The following NUDT2 variants were observed in gnomAD, a reference collection of about 807,000 sequenced individuals.
NUDT2 encodes bis(5'-nucleosyl)-tetraphosphatase [asymmetrical].
Under a neutral mutation model 14.2 loss-of-function variants are expected in NUDT2, and 12 were observed. The observed-to-expected ratio is 0.84, with a 90% CI of 0.54 to 1.37. The LOEUF (loss-of-function observed/expected upper bound fraction) is 1.37, where lower values mean the gene tolerates loss of function less well. Ranked by LOEUF, NUDT2 falls within the 40% of genes most tolerant of loss-of-function variation. The pLI is 0.00. For synonymous variants in NUDT2, 67 were observed against 67.4 expected (o/e 0.99, Z 0.03); for missense variants, 167 against 176.7 (o/e 0.95, Z 0.31).
Position 34,343,179 on chromosome 9 carries a change from GGAAGCAGGCATA to G in NUDT2, c.193_204del (p.Ile65_Gly68del), listed in dbSNP as rs775496489. 1 of 1,614,104 alleles carries G rather than the reference GGAAGCAGGCATA, an allele frequency of 6.2e-7. No individual in the cohort carries two copies. On this transcript the variant is annotated inframe_deletion, in exon 5 of 5. Transcript: ENST00000379158. ...AAACAGCCCTGAGGGAGACCCAAGA[GGAAGCAGGCATA>G]GAAGCAGGCCAGCTGACCATTATTG...
intron 1 of NUDT2, among the ~76,000 whole-genome samples, chr9:34,335,121 G>C (rs566063428): frequency 6.6e-6 from 1 of 152,338 alleles, no homozygotes; most frequent in East Asian, 1.9e-4. Context: ...TGTGCAGTCA[G>C]CTCTGTAGCA....
At chr9:34,330,319 G>A (rs1837866252) in intron 1 of NUDT2, among the ~76,000 whole-genome samples, 1 of 152,154 alleles carries the variant, frequency 6.6e-6, no homozygotes, top group South Asian at 2.1e-4. Flanking sequence ...GCAGGAGAAT[G>A]GCATGAACCC....
chr9:34,338,920 CAGTT>C, intron 3 of NUDT2, 73 bp downstream of exon 3: 1 of 950,638 alleles, frequency 1.1e-6, no homozygotes. Flanking sequence ...TATGAGATCA[CAGTT>C]AGCTAGTCTG....
chr9:34,338,295 T>G (rs546178255), intron 2 of NUDT2, among the ~76,000 whole-genome samples: 68 of 113,826 alleles, frequency 6.0e-4, no homozygotes, highest in African/African-American at 2.3e-3. Context: ...AAGTTCAGGA[T>G]CAGCCTGGGC....
At chr9:34,330,110 G>A (rs570662815) in intron 1 of NUDT2, among the ~76,000 whole-genome samples, 1 of 152,250 alleles carries the variant, frequency 6.6e-6, no homozygotes, top group African/African-American at 2.4e-5. Flanking sequence ...AAGGGACAGC[G>A]TAAACAATGC....
At chr9:34,339,679 C>T (rs1838185259) in intron 4 of NUDT2, among the ~76,000 whole-genome samples, 1 of 151,994 alleles carries the variant, frequency 6.6e-6, no homozygotes, top group Non-Finnish European at 1.5e-5. Context: ...CATGTCTCTA[C>T]AAAAAATACA....
intron 4 of NUDT2, 86 bp downstream of exon 4, chr9:34,339,252 C>G (rs1838175728): frequency 6.6e-7 from 1 of 1,522,154 alleles, no homozygotes. Flanking sequence ...AGGCTTAATT[C>G]CCAGTGACTG....
intron 2 of NUDT2, among the ~76,000 whole-genome samples, chr9:34,336,909 A>G (rs1838102208): frequency 2.0e-5 from 3 of 149,658 alleles, no homozygotes; most frequent in African/African-American, 7.4e-5. Flanking sequence ...CTTTTTGCCT[A>G]TTCCCATATT....
At chr9:34,338,868 T>G in intron 3 of NUDT2, 21 bp downstream of exon 3, 1 of 549,550 alleles carries the variant, frequency 1.8e-6, no homozygotes, top group Non-Finnish European at 3.2e-6. Context: ...GATTCCTGGA[T>G]GCCTTCCATT....
chr9:34,334,836 A>G (rs1838046894), intron 1 of NUDT2, among the ~76,000 whole-genome samples: 1 of 152,226 alleles, frequency 6.6e-6, no homozygotes, highest in Non-Finnish European at 1.5e-5. Flanking sequence ...CTGGATTCCC[A>G]GTATCCTTCC....
At chr9:34,329,832 G>C (rs1371988196) in intron 1 of NUDT2, among the ~76,000 whole-genome samples, 2 of 148,462 alleles carry the variant, frequency 1.3e-5, no homozygotes, top group African/African-American at 5.0e-5. Flanking sequence ...AGCCTTGCTT[G>C]TCCCCGTCGG....
At position 34,343,640 on chromosome 9, in the gene NUDT2, A is replaced by G. The variant is rs1313445812; in HGVS notation, c.*200A>G. ...AAAGGAAGGCAAAAGAGTAAAAATT[A>G]AAAAGGCCAGGCCCAGTAAGTGTAC... is the stretch of plus-strand genomic sequence containing the variant. On this transcript the variant is annotated 3_prime_UTR_variant, in exon 5 of 5. Coordinates refer to ENST00000379158, the MANE Select transcript of NUDT2 (RefSeq NM_001161.5). The G allele has an allele frequency of 5.5e-6, 3 of 544,122 alleles. No individual in the cohort carries two copies. The highest frequency in any genetic ancestry group is 3.8e-5 in the African/African-American group (2 of 53,028). The allele number at this position is 544,122 out of a possible 1,614,324, so 33.7% of individuals were successfully genotyped here.
At chr9:34,333,182 A>G (rs998290588) in intron 1 of NUDT2, among the ~76,000 whole-genome samples, 2 of 152,192 alleles carry the variant, frequency 1.3e-5, no homozygotes, top group African/African-American at 4.8e-5. Context: ...GGGTGCTATT[A>G]GGAGCCTGAG....
intron 4 of NUDT2, among the ~76,000 whole-genome samples, chr9:34,342,132 C>T (rs570668731): frequency 2.0e-5 from 3 of 152,338 alleles, no homozygotes; most frequent in African/African-American, 7.2e-5. Flanking sequence ...TTGGGTGTTG[C>T]TAACACATTT....
intron 1 of NUDT2, among the ~76,000 whole-genome samples, chr9:34,334,999 G>C (rs1386624485): frequency 6.6e-6 from 1 of 152,202 alleles, no homozygotes; most frequent in South Asian, 2.1e-4. Flanking sequence ...GGCAGTACCT[G>C]TACTTTCTCT....
chr9:34,330,897 T>C (rs1309164980), intron 1 of NUDT2, among the ~76,000 whole-genome samples: 2 of 150,774 alleles, frequency 1.3e-5, no homozygotes, highest in Non-Finnish European at 3.0e-5. Flanking sequence ...GGAGGCGGAG[T>C]TTGCAGAGAG....
At chr9:34,336,189 A>C (rs1006503795) in intron 1 of NUDT2, 40 bp from the exon 2 acceptor site, 3 of 152,108 alleles carry the variant, frequency 2.0e-5, no homozygotes, top group African/African-American at 7.2e-5. Flanking sequence ...AAGGTACCCC[A>C]CATCTATAAC....
intron 2 of NUDT2, among the ~76,000 whole-genome samples, chr9:34,338,327 TAAAAAAA>T (rs61594121): frequency 5.3e-4 from 18 of 33,738 alleles, no homozygotes; most frequent in South Asian, 5.2e-3. Flanking sequence ...ACCCTGTCTC[TAAAAAAA>T]AAAAAAAAAA....
In NUDT2 at chr9:34,339,038, C is replaced by A; in HGVS notation, c.-2C>A. Reference sequence around the variant, plus strand: ...TCTTTGTTAAGTCCTTAGGATAAGACCATGGCCTTGAGAGCATGTGGCTTG... The same window carrying A: ...TCTTTGTTAAGTCCTTAGGATAAGAACATGGCCTTGAGAGCATGTGGCTTG... On this transcript the variant is annotated 5_prime_UTR_variant, in exon 4 of 5. Coordinates refer to ENST00000379158, the MANE Select transcript of NUDT2 (RefSeq NM_001161.5). 1 of 1,613,022 alleles carries A rather than the reference C, an allele frequency of 6.2e-7. No individual in the cohort carries two copies. The highest frequency in any genetic ancestry group is 8.5e-7 in the Non-Finnish European group (1 of 1,179,108).
Sources: allele counts gnomAD v4.1 joint callset (sites outside exome capture counted in the v4.1 genomes callset), GRCh38; gene constraint gnomAD v4.1.1; transcripts MANE v1.5; gene names NCBI Gene and HGNC (gene_info 2026-07-23, HGNC 2026-07-21).